Variants in SUGP2 observed in about 807,000 individuals in gnomAD.
The protein encoded by SUGP2 is SURP and G-patch domain containing 2, also known as SURP and G-patch domain-containing protein 2.
SUGP2 carries 24 observed loss-of-function variants against 90.5 expected under a neutral mutation model. The ratio of observed to expected loss-of-function variants is 0.27; its 90% CI spans 0.19 to 0.37. The LOEUF (loss-of-function observed/expected upper bound fraction) is 0.37. SUGP2 is among the 10% of genes least tolerant of loss of function. The pLI is 1.00. For synonymous variants in SUGP2, 473 were observed against 513.4 expected (o/e 0.92, Z 1.06); for missense variants, 1,233 against 1,363.3 (o/e 0.90, Z 1.51).
At chr19:18,995,108 C>T in intron 9 of SUGP2, 36 bp downstream of exon 9, 3 of 1,595,594 alleles carry the variant, frequency 1.9e-6, no homozygotes, top group Middle Eastern at 1.7e-4. Flanking sequence ...GGACTGAGGC[C>T]CCACCCACTC....
At chr19:19,020,302 G>T (rs1013112304) in intron 3 of SUGP2, among the ~76,000 whole-genome samples, 1 of 151,322 alleles carries the variant, frequency 6.6e-6, no homozygotes, top group Non-Finnish European at 1.5e-5. Flanking sequence ...CATGGTGGCG[G>T]GCGCCTGTAG....
At chr19:19,023,372 G>A (rs751931336) in intron 3 of SUGP2, among the ~76,000 whole-genome samples, 1 of 152,008 alleles carries the variant, frequency 6.6e-6, no homozygotes, top group Non-Finnish European at 1.5e-5. Flanking sequence ...GCTGGAGTGC[G>A]GTGGCTATTC....
At chr19:18,995,873 C>T (rs1211371636) in intron 8 of SUGP2, among the ~76,000 whole-genome samples, 1 of 152,178 alleles carries the variant, frequency 6.6e-6, no homozygotes, top group Non-Finnish European at 1.5e-5. Context: ...AGAGCTAGTA[C>T]AGCTGTTGAT....
intron 1 of SUGP2, 55 bp downstream of exon 1, chr19:19,033,382 C>A: frequency 1.6e-6 from 2 of 1,227,838 alleles, no homozygotes; most frequent in South Asian, 4.8e-5. Flanking sequence ...AAGGCCGAGC[C>A]CGAGCTTCCC....
intron 2 of SUGP2, among the ~76,000 whole-genome samples, chr19:19,026,926 C>T (rs1180771417): frequency 1.3e-5 from 2 of 152,144 alleles, no homozygotes; most frequent in Non-Finnish European, 2.9e-5. Flanking sequence ...TAACAAGATA[C>T]ATCAAGAGAG....
chr19:19,019,883 A>C (rs925613696), intron 3 of SUGP2, among the ~76,000 whole-genome samples: 3 of 148,848 alleles, frequency 2.0e-5, no homozygotes, highest in Non-Finnish European at 4.5e-5. Flanking sequence ...ACGGTGGCTC[A>C]CACCTGTAAT....
intron 7 of SUGP2, among the ~76,000 whole-genome samples, chr19:19,002,297 T>C (rs953426187): frequency 1.1e-4 from 17 of 151,780 alleles, no homozygotes; most frequent in South Asian, 6.2e-4. Context: ...GGAGAATAAC[T>C]TGAACCCGGG....
At chr19:19,033,552 C>T (rs1372974371), upstream of SUGP2, 8 of 1,284,756 alleles carry the variant, frequency 6.2e-6, no homozygotes, top group Admixed American at 4.2e-5. Context: ...CAGCGCCGCG[C>T]CGCGCAGGCG....
chr19:19,010,680 G>A (rs1353984710), intron 4 of SUGP2, among the ~76,000 whole-genome samples: 2 of 152,190 alleles, frequency 1.3e-5, no homozygotes, highest in African/African-American at 4.8e-5. Flanking sequence ...CTTTTAAATG[G>A]CCCAGCCAGG....
intron 7 of SUGP2, among the ~76,000 whole-genome samples, chr19:19,002,164 G>A (rs895046021): frequency 6.6e-6 from 1 of 152,112 alleles, no homozygotes; most frequent in African/African-American, 2.4e-5. Context: ...CGGATCACCC[G>A]AGGTTAGGAG....
chr19:19,012,031 A>G (rs2058330877), intron 4 of SUGP2, among the ~76,000 whole-genome samples: 1 of 152,148 alleles, frequency 6.6e-6, no homozygotes, highest in African/African-American at 2.4e-5. Context: ...AGCCAACTAG[A>G]AGTAAGGTGG....
At chr19:19,026,491 G>T (rs1315950096) in intron 2 of SUGP2, among the ~76,000 whole-genome samples, 1 of 152,188 alleles carries the variant, frequency 6.6e-6, no homozygotes, top group Non-Finnish European at 1.5e-5. Context: ...ACCCAGGCTG[G>T]GCAGTAGCAG....
intron 3 of SUGP2, among the ~76,000 whole-genome samples, chr19:19,024,177 T>A (rs183887327): frequency 1.3e-5 from 2 of 152,262 alleles, no homozygotes; most frequent in African/African-American, 4.8e-5. Flanking sequence ...TGGGGTGATC[T>A]CAGCTCACTG....
upstream of SUGP2, chr19:19,033,724 C>T (rs2059292856): frequency 7.5e-6 from 2 of 265,086 alleles, no homozygotes; most frequent in Non-Finnish European, 7.1e-6. Context: ...GCGGCAAAGA[C>T]GCCTCCGTCG....
chr19:18,994,248 T>C, intron 10 of SUGP2, 118 bp downstream of exon 10: 1 of 1,387,366 alleles, frequency 7.2e-7, no homozygotes, highest in Non-Finnish European at 9.9e-7. Context: ...TTTGTGATTT[T>C]TTTTGTGTGT....
intron 3 of SUGP2, among the ~76,000 whole-genome samples, chr19:19,021,091 T>G (rs11666120): frequency 0.74 from 109,515 of 147,710 alleles, 40,405 homozygotes; most frequent in East Asian, 0.89. Flanking sequence ...CCTGGGAGGC[T>G]GAGATAGCGG....
In SUGP2 at chr19:19,030,288, G is replaced by A. The variant is rs920969135; in HGVS notation, c.121+663C>T. ...GTGGATCACCTGAGGTCGGGAGTTC[G>A]AGACCAGCCTGGCCAACATGGTAAA... On this transcript the variant is annotated intron_variant, in intron 2 of 10. Transcript: ENST00000452918. 5.3e-5 allele frequency among the ~76,000 whole-genome samples: 8 copies of A among 152,066 alleles called. No homozygotes were observed. In the South Asian group the frequency reaches 1.0e-3, roughly 20 times the overall value.
intron 6 of SUGP2, among the ~76,000 whole-genome samples, chr19:19,005,271 G>A (rs528718496): frequency 5.3e-5 from 8 of 152,132 alleles, no homozygotes; most frequent in South Asian, 2.1e-4. Flanking sequence ...AAACACTCCC[G>A]AAAGCACCAA....
At chr19:19,029,066 C>T (rs939072755) in intron 2 of SUGP2, among the ~76,000 whole-genome samples, 1 of 152,168 alleles carries the variant, frequency 6.6e-6, no homozygotes, top group African/African-American at 2.4e-5. Context: ...GCAGCCTCGA[C>T]TTCCTGGGCA....
Sources: gnomAD v4.1 joint callset for allele counts (sites outside exome capture counted in the v4.1 genomes callset) on GRCh38, gnomAD v4.1.1 for gene constraint, MANE v1.5 for transcripts, NCBI Gene and HGNC (gene_info 2026-07-23, HGNC 2026-07-21) for gene names.